The following GLCE variants were observed in gnomAD, a reference collection of about 807,000 sequenced individuals.
The protein encoded by GLCE is glucuronic acid epimerase.
In GLCE, 19 loss-of-function variants were observed where a neutral mutation model predicts 47.9. The observed-to-expected ratio is 0.40, with a 90% CI of 0.28 to 0.58. The LOEUF is 0.58. Ranked by LOEUF, GLCE falls within the 20% of genes least tolerant of loss-of-function variation. GLCE has a pLI of 0.48. For missense variants in GLCE, 556 were observed against 743.3 expected (o/e 0.75, Z 2.93); for synonymous variants, 245 against 263.4 (o/e 0.93, Z 0.68).
intron 1 of GLCE, among the ~76,000 whole-genome samples, chr15:69,180,140 C>A (rs540589411): frequency 6.6e-6 from 1 of 152,300 alleles, no homozygotes; most frequent in South Asian, 2.1e-4. Flanking sequence ...CTGCATTAAA[C>A]ACCACTAACT....
At chr15:69,240,937 T>C (rs540572807) in intron 2 of GLCE, among the ~76,000 whole-genome samples, 1 of 152,158 alleles carries the variant, frequency 6.6e-6, no homozygotes, top group African/African-American at 2.4e-5. Flanking sequence ...TTTTCTGAGA[T>C]GAAGGATGAC....
At chr15:69,257,560 G>A (rs1447878379) in intron 3 of GLCE, among the ~76,000 whole-genome samples, 1 of 152,068 alleles carries the variant, frequency 6.6e-6, no homozygotes, top group Non-Finnish European at 1.5e-5. Context: ...GTCCAGGCTT[G>A]TGTGAAACTC....
At chr15:69,245,041 T>C (rs2052726897) in intron 2 of GLCE, among the ~76,000 whole-genome samples, 1 of 152,042 alleles carries the variant, frequency 6.6e-6, no homozygotes, top group African/African-American at 2.4e-5. Flanking sequence ...CTAAAAAATA[T>C]ACATACCTGG....
intron 4 of GLCE, among the ~76,000 whole-genome samples, chr15:69,264,396 GCACA>G (rs150224477): frequency 4.6e-5 from 7 of 150,714 alleles, no homozygotes; most frequent in Non-Finnish European, 8.9e-5. Flanking sequence ...GTGTGCACGT[GCACA>G]CACACACACA....
chr15:69,231,950 G>A (rs907441211), intron 2 of GLCE, among the ~76,000 whole-genome samples: 5 of 151,784 alleles, frequency 3.3e-5, no homozygotes, highest in African/African-American at 7.3e-5. Flanking sequence ...ACACCACCAC[G>A]CCTGGCTAAT....
intron 1 of GLCE, among the ~76,000 whole-genome samples, chr15:69,200,055 A>C (rs2052055293): frequency 6.6e-6 from 1 of 152,148 alleles, no homozygotes; most frequent in South Asian, 2.1e-4. Context: ...TCCTTAATAA[A>C]ACTGTCCTTT....
At position 69,268,738 on chromosome 15, in the gene GLCE, G is replaced by A. The variant is rs763256189; in HGVS notation, c.1348G>A (p.Ala450Thr). The change falls in exon 5 of 5, where the codon GCC (alanine) becomes ACC (threonine). Residue 450 changes from alanine (A) to threonine (T), a missense_variant. Coordinates refer to ENST00000261858, the MANE Select transcript of GLCE (RefSeq NM_015554.3). ...GTATTCTGCCATGGCCCAAGGGCAA[G>A]CCATTTCTACATTAGTCAGGGCCTA... is the stretch of plus-strand genomic sequence containing the variant. The part of the protein sequence containing the change: ...GWYSAMAQGQ[A>T]ISTLVRAYLL... 1 of 1,614,214 alleles carries A rather than the reference G, an allele frequency of 6.2e-7. No individual in the cohort carries two copies. The highest frequency in any genetic ancestry group is 8.5e-7 in the Non-Finnish European group (1 of 1,180,030).
chr15:69,251,597 G>T (rs140416826), intron 2 of GLCE, among the ~76,000 whole-genome samples: 2 of 152,118 alleles, frequency 1.3e-5, no homozygotes, highest in South Asian at 4.2e-4. Flanking sequence ...TAGGGTTTTT[G>T]ATTTGTTCTG....
intron 2 of GLCE, among the ~76,000 whole-genome samples, chr15:69,240,302 A>G (rs200698147): frequency 1.0e-4 from 2 of 19,346 alleles, no homozygotes; most frequent in African/African-American, 1.9e-4. Flanking sequence ...AAAAAAAAAA[A>G]AAAAAAAAGA....
intron 2 of GLCE, among the ~76,000 whole-genome samples, chr15:69,213,524 G>A (rs976691960): frequency 2.0e-5 from 3 of 152,068 alleles, no homozygotes; most frequent in African/African-American, 7.2e-5. Flanking sequence ...GCCTTTCTCA[G>A]CACACAATAT....
intron 3 of GLCE, among the ~76,000 whole-genome samples, chr15:69,259,656 T>A (rs2052984427): frequency 6.6e-6 from 1 of 152,242 alleles, no homozygotes; most frequent in African/African-American, 2.4e-5. Flanking sequence ...AATGTGTTTC[T>A]GGACTGCTAC....
At chr15:69,261,462 G>A (rs2053013975) in intron 4 of GLCE, 133 bp downstream of exon 4, 2 of 806,134 alleles carry the variant, frequency 2.5e-6, no homozygotes, top group Non-Finnish European at 2.0e-6. Flanking sequence ...AGTAACAAAT[G>A]GTGTCACCCC....
chr15:69,250,799 T>TA (rs1301615577), intron 2 of GLCE, among the ~76,000 whole-genome samples: 7 of 131,204 alleles, frequency 5.3e-5, no homozygotes, highest in Admixed American at 3.6e-4. Context: ...TGCCATTTTT[T>TA]ATAGTTAAAA....
In GLCE at chr15:69,206,886, A is replaced by G. The variant is rs137876702; in HGVS notation, c.-104-3430A>G. Among the ~76,000 whole-genome samples the G allele has an allele frequency of 6.1e-4, 93 of 152,158 alleles. 1 individual carries two copies. In the East Asian group the frequency reaches 0.016, roughly 27 times the overall value. On this transcript the variant is annotated intron_variant, in intron 1 of 4. Coordinates refer to ENST00000261858, the MANE Select transcript of GLCE (RefSeq NM_015554.3). ...TAGAGCTAGGAAATAATACATTTGTATATTAATCATGTATTTATGTACATC... is the reference window on the plus strand; with the variant it reads ...TAGAGCTAGGAAATAATACATTTGTGTATTAATCATGTATTTATGTACATC...
chr15:69,251,978 T>C (rs989280206), intron 2 of GLCE, among the ~76,000 whole-genome samples: 1 of 152,232 alleles, frequency 6.6e-6, no homozygotes, highest in African/African-American at 2.4e-5. Flanking sequence ...GCTGCTTTTT[T>C]GACACCCTTG....
chr15:69,205,660 G>A lies in GLCE; in HGVS notation c.-104-4656G>A, dbSNP rs368279879. Among the ~76,000 whole-genome samples, 17 of 152,170 alleles carry A rather than the reference G, an allele frequency of 1.1e-4. No homozygotes were observed. The East Asian group carries it at 1.4e-3, about 12-fold the overall frequency. Reference sequence around the variant, plus strand: ...CTGCACAGTTGTCAGCACTTGGTATGTTCAATCTTTTTCATTTTAGCCATT... The same window carrying A: ...CTGCACAGTTGTCAGCACTTGGTATATTCAATCTTTTTCATTTTAGCCATT... On this transcript the variant is annotated intron_variant, in intron 1 of 4. Transcript: ENST00000261858.
chr15:69,240,802 T>C (rs1160164709), intron 2 of GLCE, among the ~76,000 whole-genome samples: 2 of 151,802 alleles, frequency 1.3e-5, no homozygotes, highest in African/African-American at 4.8e-5. Context: ...AAAAGAAAAT[T>C]TGAAGAAAAA....
At chr15:69,219,294 G>T (rs1211798887) in intron 2 of GLCE, among the ~76,000 whole-genome samples, 1 of 152,062 alleles carries the variant, frequency 6.6e-6, no homozygotes, top group Non-Finnish European at 1.5e-5. Context: ...TGTATAGACA[G>T]TTGTTTCAGT....
intron 1 of GLCE, among the ~76,000 whole-genome samples, chr15:69,180,557 GA>G (rs2051735888): frequency 6.6e-6 from 1 of 152,206 alleles, no homozygotes; most frequent in South Asian, 2.1e-4. Flanking sequence ...GACAGTCAGT[GA>G]AGGAGATATG....
Sources: gnomAD v4.1 joint callset for allele counts (sites outside exome capture counted in the v4.1 genomes callset) on GRCh38, gnomAD v4.1.1 for gene constraint, MANE v1.5 for transcripts, NCBI Gene and HGNC (gene_info 2026-07-23, HGNC 2026-07-21) for gene names.